VAT1L: variants seen among roughly 807,000 people sequenced by gnomAD.
VAT1L encodes putative NADPH-dependent quinone oxidoreductase VAT1L.
Under a neutral mutation model 44.1 loss-of-function variants are expected in VAT1L, and 34 were observed. That is an observed-to-expected ratio of 0.77 (90% confidence interval 0.59 to 1.03). VAT1L has a LOEUF of 1.03. Ranked by LOEUF, VAT1L falls within the 50% of genes least tolerant of loss-of-function variation. The pLI is 0.00. For synonymous variants in VAT1L, 253 were observed against 202.2 expected, an observed-to-expected ratio of 1.25 and a Z score of -2.13; for missense variants, 615 against 538.8, an observed-to-expected ratio of 1.14 and a Z score of -1.40.
chr16:77,816,941 TGA>T lies in VAT1L; in HGVS notation c.255_256del (p.Leu85PhefsTer8), dbSNP rs780141383. On this transcript the variant is annotated frameshift_variant, in exon 2 of 9. Coordinates refer to ENST00000302536, the MANE Select transcript of VAT1L (RefSeq NM_020927.3). LOFTEE classifies it high-confidence loss of function. ...TACAGTGGATTAAACTTCATTGACT[TGA>T]TGGTGCGACAAGGGAATATTGACAA... is the stretch of plus-strand genomic sequence containing the variant. 1 of 1,613,832 alleles carries T rather than the reference TGA, an allele frequency of 6.2e-7. No homozygotes were observed. Among genetic ancestry groups the T allele is most frequent in the Admixed American group, 1.7e-5 (1 of 59,996 alleles).
Position 77,884,655 on chromosome 16 carries a change from C to A in VAT1L, c.930C>A (p.Asn310Lys). Residue 310 changes from asparagine to lysine, a missense_variant, in exon 7 of 9, where the codon AAC becomes AAA. Physicochemically the swap from Asn to Lys is moderately conservative, Grantham distance 94 (BLOSUM62 0). Coordinates refer to ENST00000302536, the MANE Select transcript of VAT1L (RefSeq NM_020927.3). This position sits in a 1 kb window ranked among gnomAD's most constrained non-coding sequence, Gnocchi z 4.5. ...ACCCCATCAAGCTGTATGAGGAGAA[C>A]AAAGTCATCGCGGGGTTTTCCCTTT... ...KVNPIKLYEENKVIAGFSLLN... is the reference protein window; with the variant it reads ...KVNPIKLYEEKKVIAGFSLLN... The A allele has an allele frequency of 1.2e-6, 2 of 1,613,580 alleles. No individual in the cohort carries two copies. The highest frequency in any genetic ancestry group is 1.7e-6 in the Non-Finnish European group (2 of 1,179,852).
rs554038949 is a variant in VAT1L at position 77,913,640 on chromosome 16, C to T, written c.1077+28838C>T. ...TCTTGCAATGTCCCAGGGCTCCGTC[C>T]TTGGGACTCCACTCTGGGACATGTT... On this transcript the variant is annotated intron_variant, in intron 7 of 8. Coordinates refer to ENST00000302536, the MANE Select transcript of VAT1L (RefSeq NM_020927.3). Among the ~76,000 whole-genome samples the T allele has an allele frequency of 1.1e-4, 16 of 152,194 alleles. No homozygotes were observed. In the East Asian group the frequency reaches 1.7e-3, roughly 17 times the overall value.
At chr16:77,891,916 C>G (rs1306248223) in intron 7 of VAT1L, among the ~76,000 whole-genome samples, 1 of 152,032 alleles carries the variant, frequency 6.6e-6, no homozygotes, top group Admixed American at 6.6e-5. Flanking sequence ...ACTAAGAATA[C>G]AAAAAATTAG....
chr16:77,796,401 G>T (rs2015934630), intron 1 of VAT1L, among the ~76,000 whole-genome samples: 1 of 152,172 alleles, frequency 6.6e-6, no homozygotes, highest in Non-Finnish European at 1.5e-5. Context: ...CCATGGGGTA[G>T]GTGTCACTGA....
intron 7 of VAT1L, among the ~76,000 whole-genome samples, chr16:77,946,443 C>T (rs940146063): frequency 1.3e-5 from 2 of 151,704 alleles, no homozygotes; most frequent in South Asian, 4.2e-4. Flanking sequence ...GCCACCACGG[C>T]CAGCTAATTT....
chr16:77,971,474 G>A (rs943012778), intron 7 of VAT1L, among the ~76,000 whole-genome samples: 1 of 152,024 alleles, frequency 6.6e-6, no homozygotes, highest in Non-Finnish European at 1.5e-5. Context: ...AGTAAGCAGG[G>A]CACAAATGAC....
At chr16:77,803,137 T>C (rs976370982) in intron 1 of VAT1L, among the ~76,000 whole-genome samples, 2 of 152,210 alleles carry the variant, frequency 1.3e-5, no homozygotes, top group African/African-American at 4.8e-5. Flanking sequence ...TGCCCTAAAG[T>C]TGCTCATAGT....
intron 3 of VAT1L, among the ~76,000 whole-genome samples, chr16:77,848,997 A>T (rs1016334652): frequency 1.3e-5 from 2 of 152,192 alleles, no homozygotes; most frequent in Admixed American, 6.5e-5. Context: ...CAATGAGAAC[A>T]CATGGATATA....
At chr16:77,820,917 C>CAGCAGTCCCTGCCCT (rs993041838) in intron 2 of VAT1L, among the ~76,000 whole-genome samples, 1 of 152,210 alleles carries the variant, frequency 6.6e-6, no homozygotes, top group Non-Finnish European at 1.5e-5. Flanking sequence ...TTCCCTGCCC[C>CAGCAGTCCCTGCCCT]AGCAGTCCCT....
At chr16:77,853,473 G>T (rs1007707933) in intron 3 of VAT1L, among the ~76,000 whole-genome samples, 1 of 152,156 alleles carries the variant, frequency 6.6e-6, no homozygotes, top group Non-Finnish European at 1.5e-5. Flanking sequence ...GCCACATCCA[G>T]GTTTTAAATA....
At chr16:77,912,303 G>A (rs888372533) in intron 7 of VAT1L, among the ~76,000 whole-genome samples, 4 of 152,296 alleles carry the variant, frequency 2.6e-5, no homozygotes, top group Middle Eastern at 3.4e-3. Context: ...TAAGTAAAGC[G>A]CCTGGGATTG....
At chr16:77,870,640 A>G (rs1013661477) in intron 4 of VAT1L, among the ~76,000 whole-genome samples, 4 of 152,174 alleles carry the variant, frequency 2.6e-5, no homozygotes, top group African/African-American at 9.7e-5. Context: ...TGGCTCATAT[A>G]ATCCCCGAGC....
At chr16:77,954,381 C>T (rs772161480) in intron 7 of VAT1L, among the ~76,000 whole-genome samples, 6 of 152,154 alleles carry the variant, frequency 3.9e-5, no homozygotes, top group Admixed American at 6.5e-5. Context: ...AATCCCAGCA[C>T]TTTAGGAAGC....
chr16:77,927,584 T>C (rs568472072), intron 7 of VAT1L, among the ~76,000 whole-genome samples: 1 of 151,494 alleles, frequency 6.6e-6, no homozygotes, highest in Non-Finnish European at 1.5e-5. Context: ...CTCAAAAAAA[T>C]TGAAAAACTT....
At chr16:77,966,336 G>C (rs2018221971) in intron 7 of VAT1L, among the ~76,000 whole-genome samples, 1 of 152,128 alleles carries the variant, frequency 6.6e-6, no homozygotes, top group South Asian at 2.1e-4. Context: ...GCTTGGGCGA[G>C]ACTGTGAGGT....
Position 77,793,105 on chromosome 16 carries a change from A to T in VAT1L, c.233+4190A>T, listed in dbSNP as rs990925010. Among the ~76,000 whole-genome samples, 6 of 152,130 alleles carry T rather than the reference A, an allele frequency of 3.9e-5. No individual in the cohort carries two copies. In the East Asian group the frequency reaches 1.2e-3, roughly 29 times the overall value. On this transcript the variant is annotated intron_variant, in intron 1 of 8. Transcript: ENST00000302536. ...GCCATAGATACTTATATAGTTTATTATTCAAACTGGAACTCTTATATTTTG... is the reference window on the plus strand; with the variant it reads ...GCCATAGATACTTATATAGTTTATTTTTCAAACTGGAACTCTTATATTTTG...
intron 7 of VAT1L, among the ~76,000 whole-genome samples, chr16:77,968,604 A>T (rs2018247974): frequency 1.3e-5 from 2 of 151,734 alleles, no homozygotes; most frequent in South Asian, 4.2e-4. Context: ...AGGCGCCTGT[A>T]GTCCCAGCTA....
At chr16:77,854,716 T>C (rs985673915) in intron 3 of VAT1L, among the ~76,000 whole-genome samples, 6 of 152,254 alleles carry the variant, frequency 3.9e-5, no homozygotes, top group Non-Finnish European at 8.8e-5. Flanking sequence ...TCCAAGTCTC[T>C]TCTCCGAACA....
At chr16:77,923,232 T>C (rs2017631494) in intron 7 of VAT1L, among the ~76,000 whole-genome samples, 1 of 152,178 alleles carries the variant, frequency 6.6e-6, no homozygotes, top group Admixed American at 6.5e-5. Flanking sequence ...GGGTGGATCA[T>C]GAGGTCAGGA....
Sources: gnomAD v4.1 joint callset for allele counts (sites outside exome capture counted in the v4.1 genomes callset) on GRCh38, gnomAD v4.1.1 for gene constraint, Gnocchi (gnomAD v3.1) non-coding constraint, MANE v1.5 for transcripts, NCBI Gene and HGNC (gene_info 2026-07-23, HGNC 2026-07-21) for gene names.